MIPOL1: variants seen among roughly 807,000 people sequenced by gnomAD.
MIPOL1 encodes the protein mirror-image polydactyly 1.
A neutral mutation model predicts 60.9 loss-of-function variants in MIPOL1; 57 were observed. The ratio of observed to expected loss-of-function variants is 0.94; its 90% confidence interval spans 0.76 to 1.17. The LOEUF is 1.17. Ranked by LOEUF, MIPOL1 falls within the 50% of genes most tolerant of loss-of-function variation. The probability of loss-of-function intolerance (pLI) is 0.00; values close to 1 mark genes in which losing one functional copy is unlikely to be tolerated. For synonymous variants in MIPOL1, 179 were observed against 168.8 expected, an observed-to-expected ratio of 1.06 and a Z score of -0.47; for missense variants, 551 against 511.6, an observed-to-expected ratio of 1.08 and a Z score of -0.74.
rs1964597177 is a variant in MIPOL1 at position 37,197,938 on chromosome 14, G to GGCCCCACGCGCCGCCCCGCTC, written c.-364_-344dup. ...CCCTGCGGCGCGCCGCCGCCCCGTA[G>GGCCCCACGCGCCGCCCCGCTC]GCCCCACGCGCCGCCCCGCTCCTCC... is the stretch of plus-strand genomic sequence containing the variant. On this transcript the variant is annotated 5_prime_UTR_variant, in exon 1 of 13. Transcript: ENST00000684589. The GGCCCCACGCGCCGCCCCGCTC allele has an allele frequency of 6.6e-6, 1 of 152,066 alleles. No homozygotes were observed. The highest frequency in any genetic ancestry group is 2.4e-5 in the African/African-American group (1 of 41,414). The allele number at this position is 152,066 out of a possible 1,614,324, so 9.4% of individuals were successfully genotyped here.
intron 11 of MIPOL1, among the ~76,000 whole-genome samples, chr14:37,443,982 CA>C (rs2094293088): frequency 6.6e-6 from 1 of 152,026 alleles, no homozygotes. Flanking sequence ...TGATAAAGAA[CA>C]TCAGGAGGAA....
chr14:37,375,437 G>T (rs979656778), intron 10 of MIPOL1, among the ~76,000 whole-genome samples: 1 of 151,806 alleles, frequency 6.6e-6, no homozygotes, highest in Non-Finnish European at 1.5e-5. Context: ...ATTCCGCTTC[G>T]ACCTCCCACA....
At chr14:37,368,428 A>G (rs2092544559) in intron 9 of MIPOL1, among the ~76,000 whole-genome samples, 1 of 152,108 alleles carries the variant, frequency 6.6e-6, no homozygotes, top group African/African-American at 2.4e-5. Context: ...AAATCAGAGT[A>G]GTAAGAAATG....
At chr14:37,391,456 C>T (rs1349126404) in intron 10 of MIPOL1, among the ~76,000 whole-genome samples, 7 of 149,084 alleles carry the variant, frequency 4.7e-5, no homozygotes, top group African/African-American at 7.4e-5. Flanking sequence ...AGTGCCGTGG[C>T]GTGATCTCAG....
chr14:37,236,471 T>C (rs546856212), intron 1 of MIPOL1, among the ~76,000 whole-genome samples: 43 of 151,326 alleles, frequency 2.8e-4, no homozygotes, highest in Non-Finnish European at 3.5e-4. Context: ...TTTGAGACCC[T>C]TGTCGCCCAG....
intron 12 of MIPOL1, among the ~76,000 whole-genome samples, chr14:37,537,284 G>GC (rs2095510470): frequency 6.6e-6 from 1 of 152,068 alleles, no homozygotes; most frequent in African/African-American, 2.4e-5. Context: ...AACTTTCAAT[G>GC]CCACCTTAGC....
chr14:37,489,761 C>T (rs1479871525), intron 11 of MIPOL1, among the ~76,000 whole-genome samples: 1 of 152,144 alleles, frequency 6.6e-6, no homozygotes, highest in East Asian at 1.9e-4. Flanking sequence ...CCCTGTTTGC[C>T]TGGGTATCAC....
At chr14:37,409,535 C>T (rs1448149699) in intron 10 of MIPOL1, among the ~76,000 whole-genome samples, 1 of 152,150 alleles carries the variant, frequency 6.6e-6, no homozygotes, top group Non-Finnish European at 1.5e-5. Flanking sequence ...CACCTGTAAT[C>T]CCAGCACTTT....
intron 10 of MIPOL1, among the ~76,000 whole-genome samples, chr14:37,377,911 A>G (rs2092820751): frequency 6.6e-6 from 1 of 151,866 alleles, no homozygotes; most frequent in Non-Finnish European, 1.5e-5. Flanking sequence ...TGAAATCTTA[A>G]ACTCTGACTT....
intron 12 of MIPOL1, among the ~76,000 whole-genome samples, chr14:37,542,651 T>C (rs544243463): frequency 6.6e-6 from 1 of 152,334 alleles, no homozygotes; most frequent in Admixed American, 6.5e-5. Flanking sequence ...AGGAAGCCTT[T>C]ACAGACCTTT....
chr14:37,206,167 G>A (rs1433599159), intron 1 of MIPOL1, among the ~76,000 whole-genome samples: 7 of 152,112 alleles, frequency 4.6e-5, no homozygotes, highest in Non-Finnish European at 1.0e-4. Context: ...AGGCCCAAAG[G>A]CCTAGGAGGA....
At chr14:37,485,518 C>T (rs2094933764) in intron 11 of MIPOL1, among the ~76,000 whole-genome samples, 1 of 152,096 alleles carries the variant, frequency 6.6e-6, no homozygotes, top group African/African-American at 2.4e-5. Flanking sequence ...TTTTAATGAT[C>T]ACCATTCTAA....
At chr14:37,438,366 T>C (rs1220640893) in intron 11 of MIPOL1, among the ~76,000 whole-genome samples, 1 of 152,188 alleles carries the variant, frequency 6.6e-6, no homozygotes, top group Non-Finnish European at 1.5e-5. Context: ...ATACATATGT[T>C]ATCTTATTTA....
chr14:37,435,254 T>G (rs534534717), intron 11 of MIPOL1, among the ~76,000 whole-genome samples: 1 of 152,258 alleles, frequency 6.6e-6, no homozygotes, highest in East Asian at 1.9e-4. Context: ...CCTTAATAAC[T>G]CAAATATTCT....
intron 1 of MIPOL1, among the ~76,000 whole-genome samples, chr14:37,217,417 C>T (rs988372747): frequency 1.3e-5 from 2 of 152,084 alleles, no homozygotes; most frequent in South Asian, 4.1e-4. Context: ...TACCCTGATA[C>T]CAAAACCAGA....
In MIPOL1 at chr14:37,270,431, A is replaced by C. The variant is rs368719428; in HGVS notation, c.399A>C (p.Lys133Asn). Residue 133 changes from lysine (K) to asparagine (N), a missense_variant, in exon 6 of 13, where the codon AAA becomes AAC. Physicochemically the swap from Lys to Asn is moderately conservative, Grantham distance 94. Transcript: ENST00000684589. ...TCAATGTGCTTTAGCTTCAGCAGAA[A>C]TTGGCTAAAGAAGATAAAGAACAGA... is the stretch of plus-strand genomic sequence containing the variant. ...LRTSNKKLQQ[K>N]LAKEDKEQRK... The C allele has an allele frequency of 1.1e-5, 17 of 1,573,692 alleles. No homozygotes were observed. The highest frequency in any genetic ancestry group is 1.4e-5 in the African/African-American group (1 of 73,280).
At chr14:37,239,360 A>G (rs1383383696) in intron 1 of MIPOL1, among the ~76,000 whole-genome samples, 2 of 152,270 alleles carry the variant, frequency 1.3e-5, no homozygotes, top group African/African-American at 2.4e-5. Context: ...AATTTACTTA[A>G]TACTTGGACA....
intron 12 of MIPOL1, among the ~76,000 whole-genome samples, chr14:37,536,111 G>A (rs2095505254): frequency 6.6e-6 from 1 of 152,082 alleles, no homozygotes; most frequent in Admixed American, 6.5e-5. Context: ...GGAAAGGGCT[G>A]AATTAGATTT....
At chr14:37,491,135 C>G (rs1305049514) in intron 11 of MIPOL1, among the ~76,000 whole-genome samples, 1 of 152,140 alleles carries the variant, frequency 6.6e-6, no homozygotes, top group Non-Finnish European at 1.5e-5. Context: ...TCCTACCACT[C>G]TGCTTCCCAC....
Sources: gnomAD v4.1 joint callset for allele counts (sites outside exome capture counted in the v4.1 genomes callset) on GRCh38, gnomAD v4.1.1 for gene constraint, MANE v1.5 for transcripts, NCBI Gene and HGNC (gene_info 2026-07-23, HGNC 2026-07-21) for gene names.